The following AFF3 variants were observed in gnomAD, a reference collection of about 807,000 sequenced individuals.
AFF3 encodes ALF transcription elongation factor 3.
In AFF3, 32 loss-of-function variants were observed where a neutral mutation model predicts 129.7. The ratio of observed to expected loss-of-function variants is 0.25; its 90% confidence interval spans 0.19 to 0.33. The LOEUF (loss-of-function observed/expected upper bound fraction) is 0.33. AFF3 is among the 10% of genes least tolerant of loss of function. The pLI is 1.00. For synonymous variants in AFF3, 644 were observed against 635.4 expected (o/e 1.01, Z -0.20); for missense variants, 1,373 against 1,592.0 (o/e 0.86, Z 2.34).
chr2:99,955,156 T>C (rs916971887), intron 7 of AFF3, among the ~76,000 whole-genome samples: 11 of 152,168 alleles, frequency 7.2e-5, no homozygotes, highest in Non-Finnish European at 1.5e-5. Context: ...GTATAGTGTT[T>C]AGAAATGCTT....
chr2:99,563,001 C>T lies in AFF3; in HGVS notation c.3119+2486G>A, dbSNP rs1352175221. On this transcript the variant is annotated intron_variant, in intron 20 of 24. Transcript: ENST00000672756. ...GTGGTGGCAGTGCTCCACTGACCCACGCCTGCTTGGCCATCTGGAGTTCCC... is the reference window on the plus strand; with the variant it reads ...GTGGTGGCAGTGCTCCACTGACCCATGCCTGCTTGGCCATCTGGAGTTCCC... 2.7e-5 allele frequency among the ~76,000 whole-genome samples: 4 copies of T among 146,766 alleles called. No homozygotes were observed. The East Asian group carries it at 6.1e-4, about 22-fold the overall frequency.
chr2:99,849,256 C>T (rs945045874), intron 7 of AFF3, among the ~76,000 whole-genome samples: 1 of 152,112 alleles, frequency 6.6e-6, no homozygotes, highest in Non-Finnish European at 1.5e-5. Context: ...GGGAAAACAG[C>T]ACCCATGGCA....
intron 8 of AFF3, among the ~76,000 whole-genome samples, chr2:99,819,339 C>T (rs1333644310): frequency 6.6e-6 from 1 of 152,154 alleles, no homozygotes; most frequent in Non-Finnish European, 1.5e-5. Context: ...TTTAGCAAAG[C>T]AATTGTTTCT....
chr2:100,033,053 T>C (rs748574792), intron 4 of AFF3, among the ~76,000 whole-genome samples: 20 of 152,192 alleles, frequency 1.3e-4, no homozygotes, highest in Non-Finnish European at 2.1e-4. Flanking sequence ...AATTTCCACA[T>C]ACAATTTTGT....
intron 1 of AFF3, among the ~76,000 whole-genome samples, chr2:100,130,537 G>C (rs1167166892): frequency 6.6e-6 from 1 of 152,228 alleles, no homozygotes; most frequent in Non-Finnish European, 1.5e-5. Context: ...GGGCTCAGCC[G>C]TGTGCCCACA....
At chr2:100,013,048 C>T (rs1260188432) in intron 4 of AFF3, among the ~76,000 whole-genome samples, 1 of 151,880 alleles carries the variant, frequency 6.6e-6, no homozygotes, top group African/African-American at 2.4e-5. Context: ...GAAAATAAAC[C>T]TTTTTAATCA....
chr2:99,849,912 T>C (rs2105863411), intron 7 of AFF3, among the ~76,000 whole-genome samples: 2 of 152,364 alleles, frequency 1.3e-5, no homozygotes, highest in South Asian at 4.1e-4. Flanking sequence ...TACTTCATTG[T>C]GCTTACTATG....
chr2:100,105,586 A>G lies in AFF3; in HGVS notation c.-144-3T>C. 1 of 1,333,496 alleles carries G rather than the reference A, an allele frequency of 7.5e-7. No homozygotes were observed. The highest frequency in any genetic ancestry group is 1.2e-5 in the South Asian group (1 of 81,270). The allele number at this position is 1,333,496 out of a possible 1,614,324, so 82.6% of individuals were successfully genotyped here. A position where few individuals can be genotyped will look rare whatever the true frequency, so the allele number is the denominator to read the frequency against. ...GGTCTGGAAAGGCAGGTGATCAGCT[A>G]GAAGGGTGATAAGAGTATCATCGTG... On this transcript the variant is annotated splice_polypyrimidine_tract_variant and splice_region_variant and intron_variant, in intron 2 of 24. Transcript: ENST00000672756.
intron 13 of AFF3, among the ~76,000 whole-genome samples, chr2:99,608,493 G>A (rs1207238743): frequency 1.3e-5 from 2 of 152,210 alleles, no homozygotes; most frequent in African/African-American, 4.8e-5. Context: ...ACTTTAGAAT[G>A]CTATCATTTA....
intron 7 of AFF3, among the ~76,000 whole-genome samples, chr2:99,997,728 A>G (rs1219952263): frequency 6.6e-6 from 1 of 152,156 alleles, no homozygotes; most frequent in Non-Finnish European, 1.5e-5. Flanking sequence ...ACACCACTGC[A>G]GCATGCTGTC....
intron 7 of AFF3, among the ~76,000 whole-genome samples, chr2:99,915,603 C>G (rs1032538659): frequency 3.3e-5 from 5 of 152,084 alleles, no homozygotes; most frequent in African/African-American, 1.2e-4. Context: ...TAATTCACTG[C>G]CTGATGCCTT....
At chr2:99,933,234 G>A (rs1674208776) in intron 7 of AFF3, among the ~76,000 whole-genome samples, 1 of 152,084 alleles carries the variant, frequency 6.6e-6, no homozygotes, top group South Asian at 2.1e-4. Flanking sequence ...GAAAATCAAA[G>A]ACTTGGGGAT....
chr2:100,100,839 A>G (rs1433499624), intron 4 of AFF3, among the ~76,000 whole-genome samples: 1 of 152,230 alleles, frequency 6.6e-6, no homozygotes, highest in East Asian at 1.9e-4. Context: ...CCTAATCAAA[A>G]GCTGGTGGAC....
intron 7 of AFF3, among the ~76,000 whole-genome samples, chr2:99,972,208 G>A (rs372921655): frequency 8.5e-5 from 13 of 152,280 alleles, no homozygotes; most frequent in African/African-American, 3.1e-4. Context: ...ATCAAAAGAG[G>A]TGCCTCAGAA....
chr2:99,749,590 T>C (rs1681460239), intron 9 of AFF3, among the ~76,000 whole-genome samples: 1 of 152,218 alleles, frequency 6.6e-6, no homozygotes, highest in Non-Finnish European at 1.5e-5. Flanking sequence ...ATTCTAAGGA[T>C]GGCAGGGTGC....
At chr2:99,883,229 G>A (rs1692855867) in intron 7 of AFF3, among the ~76,000 whole-genome samples, 1 of 152,024 alleles carries the variant, frequency 6.6e-6, no homozygotes, top group South Asian at 2.1e-4. Flanking sequence ...ACACCAATAC[G>A]ATATCTTCAT....
intron 13 of AFF3, among the ~76,000 whole-genome samples, chr2:99,633,358 G>A (rs985177260): frequency 1.3e-5 from 2 of 152,126 alleles, no homozygotes; most frequent in African/African-American, 4.8e-5. Flanking sequence ...CTGTGTGGAC[G>A]ATGGCAATGC....
chr2:99,749,721 T>C (rs1329814223), intron 9 of AFF3, among the ~76,000 whole-genome samples: 1 of 152,220 alleles, frequency 6.6e-6, no homozygotes, highest in East Asian at 1.9e-4. Context: ...GATGCCACAT[T>C]TCATTCACTG....
chr2:99,723,166 G>T (rs139815673), intron 11 of AFF3, among the ~76,000 whole-genome samples: 1 of 152,104 alleles, frequency 6.6e-6, no homozygotes, highest in East Asian at 1.9e-4. Flanking sequence ...GTGTGTGCAC[G>T]CATGTTAAGA....
Sources: gnomAD v4.1 joint callset for allele counts (sites outside exome capture counted in the v4.1 genomes callset) on GRCh38, gnomAD v4.1.1 for gene constraint, MANE v1.5 for transcripts, NCBI Gene and HGNC (gene_info 2026-07-23, HGNC 2026-07-21) for gene names.